The following MTRF1 variants were observed in gnomAD, a reference collection of about 807,000 sequenced individuals.
MTRF1 encodes the protein peptide chain release factor 1, mitochondrial.
Under a neutral mutation model 62.9 loss-of-function variants are expected in MTRF1, and 51 were observed. That is an observed-to-expected ratio of 0.81 (90% CI 0.65 to 1.02). The LOEUF is 1.02. Among genes scored for constraint, MTRF1 ranks in the 50% least tolerant of loss-of-function variants. MTRF1 has a pLI of 0.00. For missense variants in MTRF1, 446 were observed against 530.0 expected (o/e 0.84, Z 1.56); for synonymous variants, 158 against 181.9 (o/e 0.87, Z 1.06).
intron 8 of MTRF1, among the ~76,000 whole-genome samples, chr13:41,225,582 A>T (rs2034256696): frequency 6.6e-6 from 1 of 152,178 alleles, no homozygotes; most frequent in Non-Finnish European, 1.5e-5. Flanking sequence ...CTAGATGAAA[A>T]GTATAACTAA....
intron 5 of MTRF1, among the ~76,000 whole-genome samples, chr13:41,250,170 T>A (rs1363175252): frequency 6.6e-6 from 1 of 152,148 alleles, no homozygotes; most frequent in Admixed American, 6.5e-5. Flanking sequence ...CTCAGGATAT[T>A]TTCTACTACT....
At chr13:41,226,259 G>C (rs1212397886) in intron 8 of MTRF1, among the ~76,000 whole-genome samples, 173 bp downstream of exon 8, 2 of 152,150 alleles carry the variant, frequency 1.3e-5, no homozygotes, top group Non-Finnish European at 2.9e-5. Flanking sequence ...GTATGCCCAA[G>C]TTTAGCCATA....
intron 9 of MTRF1, among the ~76,000 whole-genome samples, chr13:41,220,322 C>A (rs1233679406): frequency 1.7e-5 from 1 of 59,786 alleles, no homozygotes; most frequent in Non-Finnish European, 3.2e-5. Context: ...GAATCTGTCT[C>A]GGAAAAAAAA....
chr13:41,277,468 C>G, the MTRF1 span, among the ~76,000 whole-genome samples: 2 of 152,022 alleles, frequency 1.3e-5, no homozygotes, highest in Non-Finnish European at 2.9e-5. Flanking sequence ...GGTCTTTATT[C>G]GTGCAGCAGG....
At chr13:41,231,406 C>T (rs2035532509) in intron 7 of MTRF1, among the ~76,000 whole-genome samples, 1 of 152,192 alleles carries the variant, frequency 6.6e-6, no homozygotes, top group African/African-American at 2.4e-5. Flanking sequence ...ATAATTAAAT[C>T]AGGAAAATTC....
chr13:41,263,148 C>T (rs1450616137), intron 1 of MTRF1: 6 of 580,334 alleles, frequency 1.0e-5, no homozygotes, highest in Non-Finnish European at 1.4e-5. Context: ...TATGTTTGTA[C>T]GAATACTTAT....
the MTRF1 span, among the ~76,000 whole-genome samples, chr13:41,273,027 A>G: frequency 6.6e-6 from 1 of 152,114 alleles, no homozygotes; most frequent in African/African-American, 2.4e-5. Flanking sequence ...AAATTTGTCA[A>G]AGGTTAGAAG....
chr13:41,301,785 G>T, the MTRF1 span, among the ~76,000 whole-genome samples: 1 of 152,014 alleles, frequency 6.6e-6, no homozygotes, highest in Non-Finnish European at 1.5e-5. Flanking sequence ...GAGCTGCACA[G>T]AAACAAAGTC....
At chr13:41,311,582 G>T in the MTRF1 span, 2 of 1,606,982 alleles carry the variant, frequency 1.2e-6, no homozygotes, top group South Asian at 2.2e-5. Context: ...AACGCATCTT[G>T]GTGAGTGGCC....
At chr13:41,266,304 A>C (rs1369322512), upstream of MTRF1, among the ~76,000 whole-genome samples, 1 of 152,172 alleles carries the variant, frequency 6.6e-6, no homozygotes, top group East Asian at 1.9e-4. Flanking sequence ...CTGACTATGC[A>C]GAACAACTTA....
rs2037314204 is a variant in MTRF1 at position 41,240,308 on chromosome 13, T to C, written c.823A>G (p.Ile275Val). 6.2e-7 allele frequency: 1 copy of C among 1,612,918 alleles called. No homozygotes were observed. The highest frequency in any genetic ancestry group is 2.2e-5 in the East Asian group (1 of 44,804). Reference sequence around the variant, plus strand: ...ATAACCGACATCGTTCCTGTGTGAATGCGCTGCATCCTTGAGGACAGGCCC... The same window carrying C: ...ATAACCGACATCGTTCCTGTGTGAACGCGCTGCATCCTTGAGGACAGGCCC... ...EVGLSSRMQRIHTGTMSVIVL... is the reference protein window; with the variant it reads ...EVGLSSRMQRVHTGTMSVIVL... Residue 275 changes from isoleucine to valine, a missense_variant, in exon 6 of 10, where the codon ATT becomes GTT. By Grantham distance (29) the Ile-to-Val change is conservative (BLOSUM62 3). Coordinates refer to ENST00000379480, the MANE Select transcript of MTRF1 (RefSeq NM_004294.4).
At chr13:41,309,207 G>A in the MTRF1 span, among the ~76,000 whole-genome samples, 2 of 150,652 alleles carry the variant, frequency 1.3e-5, no homozygotes, top group Non-Finnish European at 3.0e-5. Flanking sequence ...TTTTTTTGAG[G>A]CAGTTTGTTG....
At chr13:41,292,938 A>G in the MTRF1 span, among the ~76,000 whole-genome samples, 1 of 152,182 alleles carries the variant, frequency 6.6e-6, no homozygotes, top group East Asian at 1.9e-4. Context: ...ACTATCACCA[A>G]AAAACTAAAA....
the MTRF1 span, among the ~76,000 whole-genome samples, chr13:41,275,293 C>T: frequency 2.1e-4 from 32 of 150,766 alleles, no homozygotes; most frequent in East Asian, 4.9e-3. Flanking sequence ...CTCCGCCTCC[C>T]GGGTTCATGC....
At chr13:41,230,916 G>T (rs1282183773) in intron 7 of MTRF1, among the ~76,000 whole-genome samples, 1 of 151,822 alleles carries the variant, frequency 6.6e-6, no homozygotes, top group African/African-American at 2.4e-5. Flanking sequence ...GTAGAGACAG[G>T]GTTTCACCAT....
At chr13:41,279,747 T>C in the MTRF1 span, among the ~76,000 whole-genome samples, 1 of 152,166 alleles carries the variant, frequency 6.6e-6, no homozygotes, top group Non-Finnish European at 1.5e-5. Context: ...AGGTCTCTCA[T>C]GGGAAAAATC....
At chr13:41,298,179 T>A in the MTRF1 span, among the ~76,000 whole-genome samples, 1 of 152,212 alleles carries the variant, frequency 6.6e-6, no homozygotes, top group Non-Finnish European at 1.5e-5. Flanking sequence ...ACTCATGATC[T>A]TTTTTGCTTT....
chr13:41,272,188 T>C, the MTRF1 span, among the ~76,000 whole-genome samples: 2 of 152,214 alleles, frequency 1.3e-5, no homozygotes, highest in Non-Finnish European at 2.9e-5. Context: ...CTTGAAACTT[T>C]ACAAAGAAAA....
At chr13:41,283,270 T>C in the MTRF1 span, among the ~76,000 whole-genome samples, 4 of 152,162 alleles carry the variant, frequency 2.6e-5, no homozygotes, top group African/African-American at 9.7e-5. Context: ...CCATTTCCAT[T>C]TTATCATGGA....
Sources: gnomAD v4.1 joint callset for allele counts (sites outside exome capture counted in the v4.1 genomes callset) on GRCh38, gnomAD v4.1.1 for gene constraint, MANE v1.5 for transcripts, NCBI Gene and HGNC (gene_info 2026-07-23, HGNC 2026-07-21) for gene names.